The following DLC1 variants were observed in gnomAD, a reference collection of about 807,000 sequenced individuals.
DLC1 encodes rho GTPase-activating protein 7.
A neutral mutation model predicts 140.3 loss-of-function variants in DLC1; 54 were observed. The ratio of observed to expected loss-of-function variants is 0.38; its 90% confidence interval spans 0.31 to 0.48. The LOEUF is 0.48. Among genes scored for constraint, DLC1 ranks in the 20% least tolerant of loss-of-function variants. DLC1 has a pLI of 0.96. For synonymous variants in DLC1, 986 were observed against 728.1 expected, an observed-to-expected ratio of 1.35 and a Z score of -5.70; for missense variants, 2,536 against 1,907.0, an observed-to-expected ratio of 1.33 and a Z score of -6.14.
chr8:13,273,686 C>CTGTGTGTGTGTGTGTGTG (rs59265902), intron 5 of DLC1, among the ~76,000 whole-genome samples: 10 of 62,506 alleles, frequency 1.6e-4, no homozygotes, highest in African/African-American at 6.5e-4. Flanking sequence ...AGAACTGTGC[C>CTGTGTGTGTGTGTGTGTG]TGTGTGTGTG....
At chr8:13,401,213 C>T (rs1047648565) in intron 3 of DLC1, among the ~76,000 whole-genome samples, 3 of 152,166 alleles carry the variant, frequency 2.0e-5, no homozygotes, top group Admixed American at 2.0e-4. Context: ...ACCATAATTT[C>T]CTAAGGTGAC....
rs1415533334 is a variant in DLC1, at chr8:13,579,435, ACAT to A, written c.-126+25099_-126+25101del. ...TTATATTTTATATTATATATTTAAT[ACAT>A]TATATTTTATATTATATATTTAATA... On this transcript the variant is annotated intron_variant, in intron 1 of 1. Coordinates refer to the DLC1 transcript ENST00000631382. Among the ~76,000 whole-genome samples, 55 of 21,398 alleles carry A rather than the reference ACAT, an allele frequency of 2.6e-3. 17 individuals are homozygous for A. The highest frequency in any genetic ancestry group is 5.4e-3 in the African/African-American group (55 of 10,100). The allele number at this position is 21,398 out of a possible 152,430, so 14.0% of individuals were successfully genotyped here. A position where few individuals can be genotyped will look rare whatever the true frequency, so the allele number is the denominator to read the frequency against.
rs570042358 is a variant in DLC1 at position 13,426,541 on chromosome 8, C to G, written c.1024-24922G>C. Among the ~76,000 whole-genome samples, 7 of 152,246 alleles carry G rather than the reference C, an allele frequency of 4.6e-5. No individual in the cohort carries two copies. In the South Asian group the frequency reaches 1.4e-3, roughly 32 times the overall value. ...AACCTCAGTTTTAGTCTGTTTGCCT[C>G]CTTTCTCACCCTGTGCCATCTTTTC... is the stretch of plus-strand genomic sequence containing the variant. On this transcript the variant is annotated intron_variant, in intron 2 of 17. Coordinates refer to ENST00000276297, the MANE Select transcript of DLC1 (RefSeq NM_182643.3).
At chr8:13,202,028 C>T (rs566724584) in intron 5 of DLC1, among the ~76,000 whole-genome samples, 1 of 151,292 alleles carries the variant, frequency 6.6e-6, no homozygotes, top group East Asian at 2.0e-4. Context: ...TCACTGCAAC[C>T]TCTGCCTCCC....
chr8:13,473,879 A>G (rs1800319547), intron 2 of DLC1, among the ~76,000 whole-genome samples: 1 of 152,194 alleles, frequency 6.6e-6, no homozygotes, highest in Non-Finnish European at 1.5e-5. Context: ...GGTGCTGTTA[A>G]AGGCATTCAG....
chr8:13,541,674 C>A (rs113716939), intron 1 of DLC1, among the ~76,000 whole-genome samples: 6 of 152,090 alleles, frequency 3.9e-5, no homozygotes, highest in African/African-American at 1.4e-4. Flanking sequence ...CTCAGCCTCC[C>A]GAGTAGCTGG....
At chr8:13,510,944 C>T (rs972790328) in intron 1 of DLC1, among the ~76,000 whole-genome samples, 1 of 152,116 alleles carries the variant, frequency 6.6e-6, no homozygotes, top group African/African-American at 2.4e-5. Flanking sequence ...GTCCAACTCC[C>T]ACACATTACC....
chr8:13,568,943 G>A (rs1804549701), intron 1 of DLC1, among the ~76,000 whole-genome samples: 1 of 152,146 alleles, frequency 6.6e-6, no homozygotes, highest in Non-Finnish European at 1.5e-5. Flanking sequence ...TAGCTGTAAG[G>A]GGAAGAAGAA....
chr8:13,582,536 T>G (rs1031317700), intron 1 of DLC1, among the ~76,000 whole-genome samples: 2 of 152,044 alleles, frequency 1.3e-5, no homozygotes, highest in African/African-American at 4.8e-5. Flanking sequence ...AGCCTATATA[T>G]TTCTCCCATG....
intron 2 of DLC1, among the ~76,000 whole-genome samples, chr8:13,494,147 C>A (rs1801390163): frequency 6.6e-6 from 1 of 152,128 alleles, no homozygotes; most frequent in Non-Finnish European, 1.5e-5. Flanking sequence ...AGTGTTTATA[C>A]AGAATACCAC....
chr8:13,296,047 C>A (rs1831940204), intron 5 of DLC1, among the ~76,000 whole-genome samples: 2 of 147,504 alleles, frequency 1.4e-5, no homozygotes, highest in African/African-American at 5.0e-5. Flanking sequence ...CCATCACCTC[C>A]CAGGTTCAAG....
At chr8:13,545,998 G>T (rs142264720) in intron 1 of DLC1, among the ~76,000 whole-genome samples, 1 of 152,070 alleles carries the variant, frequency 6.6e-6, no homozygotes, top group African/African-American at 2.4e-5. Context: ...TATTAGATAC[G>T]TGCGTTGGCT....
At chr8:13,387,113 G>T (rs111267076) in intron 4 of DLC1, among the ~76,000 whole-genome samples, 437 of 151,964 alleles carry the variant, frequency 2.9e-3, no homozygotes, top group African/African-American at 0.01. Flanking sequence ...CATGTATATC[G>T]TTTTTTCCTT....
At chr8:13,321,957 C>T (rs1460865209) in intron 4 of DLC1, among the ~76,000 whole-genome samples, 4 of 151,940 alleles carry the variant, frequency 2.6e-5, no homozygotes, top group African/African-American at 9.7e-5. Flanking sequence ...GGTAAAAATT[C>T]CATTAACAAA....
Position 13,514,691 on chromosome 8 carries a change from T to C in DLC1, c.-215A>G, listed in dbSNP as rs941259336. On this transcript the variant is annotated 5_prime_UTR_variant, in exon 1 of 18. Transcript: ENST00000276297. ...TCCGTCCCCGTTAGTTTCTCCAAAA[T>C]CTAAGTTCCCATTTCGTGGTTGAGA... is the stretch of plus-strand genomic sequence containing the variant. 5.0e-6 allele frequency: 2 copies of C among 398,394 alleles called. No homozygotes were observed. The highest frequency in any genetic ancestry group is 2.1e-5 in the African/African-American group (1 of 48,616). The allele number at this position is 398,394 out of a possible 1,614,324, so 24.7% of individuals were successfully genotyped here.
chr8:13,165,710 ACAC>A (rs1825060385), intron 5 of DLC1, among the ~76,000 whole-genome samples: 1 of 152,144 alleles, frequency 6.6e-6, no homozygotes, highest in Non-Finnish European at 1.5e-5. Context: ...ATCGGCCTCT[ACAC>A]CTTCCTGTAT....
At chr8:13,463,866 C>A (rs974702435) in intron 2 of DLC1, among the ~76,000 whole-genome samples, 1 of 151,886 alleles carries the variant, frequency 6.6e-6, no homozygotes, top group African/African-American at 2.4e-5. Context: ...CAAGGGGACA[C>A]GAAAGAGCTC....
intron 1 of DLC1, among the ~76,000 whole-genome samples, chr8:13,575,889 C>G (rs780063580): frequency 6.6e-6 from 1 of 152,294 alleles, no homozygotes; most frequent in Middle Eastern, 3.4e-3. Flanking sequence ...TGCACTGAGA[C>G]ATGTGTAACC....
At chr8:13,453,424 G>GTATATA (rs1173719745) in intron 2 of DLC1, among the ~76,000 whole-genome samples, 1 of 56,538 alleles carries the variant, frequency 1.8e-5, no homozygotes, top group African/African-American at 2.1e-4. Flanking sequence ...ATATATATAT[G>GTATATA]TGTATATATA....
Sources: allele counts gnomAD v4.1 joint callset (sites outside exome capture counted in the v4.1 genomes callset), GRCh38; gene constraint gnomAD v4.1.1; transcripts MANE v1.5; gene names NCBI Gene and HGNC (gene_info 2026-07-23, HGNC 2026-07-21).